Variants in ADK observed in about 807,000 individuals in gnomAD.
ADK encodes adenosine kinase, also known as N6,N6-dimethyladenosine kinase.
In ADK, 24 loss-of-function variants were observed where a neutral mutation model predicts 44.7. The observed-to-expected ratio is 0.54, with a 90% confidence interval of 0.39 to 0.76. The LOEUF (loss-of-function observed/expected upper bound fraction) is 0.76, where lower values mean the gene tolerates loss of function less well. Ranked by LOEUF, ADK falls within the 30% of genes least tolerant of loss-of-function variation. The pLI is 0.00. For synonymous variants in ADK, 128 were observed against 142.6 expected, an observed-to-expected ratio of 0.90 and a Z score of 0.73; for missense variants, 321 against 425.1, an observed-to-expected ratio of 0.76 and a Z score of 2.15.
At chr10:74,539,972 CT>C (rs1849570677) in intron 7 of ADK, among the ~76,000 whole-genome samples, 1 of 152,156 alleles carries the variant, frequency 6.6e-6, no homozygotes, top group South Asian at 2.1e-4. Flanking sequence ...GGCTATTTAA[CT>C]ATATGCTCTG....
At chr10:74,485,594 A>G (rs937608686) in intron 6 of ADK, among the ~76,000 whole-genome samples, 1 of 152,180 alleles carries the variant, frequency 6.6e-6, no homozygotes, top group African/African-American at 2.4e-5. Context: ...AAGTCTAAAA[A>G]TTTCAAATGC....
At chr10:74,505,190 C>T (rs949354539) in intron 6 of ADK, among the ~76,000 whole-genome samples, 4 of 152,012 alleles carry the variant, frequency 2.6e-5, no homozygotes, top group African/African-American at 9.7e-5. Context: ...TTTTCATTTC[C>T]CTAAAAATGT....
At chr10:74,553,308 C>A (rs931246020) in intron 7 of ADK, among the ~76,000 whole-genome samples, 16 of 141,818 alleles carry the variant, frequency 1.1e-4, no homozygotes, top group Admixed American at 7.7e-5. Context: ...TCAAGCGATT[C>A]TCCTGCCTCA....
chr10:74,559,966 G>T (rs1053883351), intron 7 of ADK, among the ~76,000 whole-genome samples: 3 of 151,048 alleles, frequency 2.0e-5, no homozygotes, highest in Admixed American at 6.6e-5. Flanking sequence ...TTGCTTTGTC[G>T]TGCAGGCTGG....
Position 74,511,876 on chromosome 10 carries a change from C to G in ADK, c.556-13380C>G, listed in dbSNP as rs188107249. ...GTGAGAGAGGGCATCATTGTCTGTT[C>G]CAGTTCTTAGAGGAAATGCTTTCAG... On this transcript the variant is annotated intron_variant, in intron 6 of 10. Coordinates refer to ENST00000539909, the MANE Select transcript of ADK (RefSeq NM_006721.4). 1.1e-3 allele frequency among the ~76,000 whole-genome samples: 169 copies of G among 152,206 alleles called. 1 individual carries two copies. The highest frequency in any genetic ancestry group is 3.9e-3 in the African/African-American group (160 of 41,550).
At chr10:74,602,204 C>G in intron 9 of ADK, among the ~76,000 whole-genome samples, 1 of 150,568 alleles carries the variant, frequency 6.6e-6, no homozygotes, top group East Asian at 1.9e-4. Flanking sequence ...ATTGTGATGG[C>G]AAGAAGAACC....
At chr10:74,404,119 G>A (rs904874709) in intron 6 of ADK, among the ~76,000 whole-genome samples, 8 of 151,254 alleles carry the variant, frequency 5.3e-5, no homozygotes, top group African/African-American at 9.7e-5. Flanking sequence ...TGATCCACAC[G>A]CTTTGGCCTC....
chr10:74,460,317 A>G (rs886602934), intron 6 of ADK, among the ~76,000 whole-genome samples: 10 of 152,176 alleles, frequency 6.6e-5, no homozygotes, highest in African/African-American at 2.2e-4. Context: ...GACAAACACA[A>G]ATTATCTTCA....
chr10:74,370,818 T>A (rs11001017), intron 4 of ADK, among the ~76,000 whole-genome samples: 19,526 of 152,120 alleles, frequency 0.13, 1,318 homozygotes, highest in Middle Eastern at 0.17. Context: ...AAGTGATCCT[T>A]CTGCCTTGGC....
chr10:74,571,064 G>A (rs1014456427), intron 7 of ADK, among the ~76,000 whole-genome samples: 1 of 152,034 alleles, frequency 6.6e-6, no homozygotes, highest in Non-Finnish European at 1.5e-5. Context: ...TTTTGTCTTT[G>A]GTTCTGTTTA....
At chr10:74,451,067 CTTTTTTTTTTTTT>C (rs35120068) in intron 6 of ADK, among the ~76,000 whole-genome samples, 5 of 72,164 alleles carry the variant, frequency 6.9e-5, no homozygotes, top group Non-Finnish European at 7.6e-5. Flanking sequence ...GCTCTGCTGC[CTTTTTTTTTTTTT>C]TTTTTTTTTT....
At chr10:74,326,910 AT>A (rs1468532490) in intron 4 of ADK, among the ~76,000 whole-genome samples, 1 of 150,858 alleles carries the variant, frequency 6.6e-6, no homozygotes, top group Non-Finnish European at 1.5e-5. Flanking sequence ...TTCTCACTTT[AT>A]TATTTGTGTC....
At chr10:74,443,438 C>G (rs1215950097) in intron 6 of ADK, among the ~76,000 whole-genome samples, 1 of 152,016 alleles carries the variant, frequency 6.6e-6, no homozygotes, top group African/African-American at 2.4e-5. Flanking sequence ...GTGAAAGAAG[C>G]CATTTATAAA....
At chr10:74,338,063 A>T (rs1317800098) in intron 4 of ADK, among the ~76,000 whole-genome samples, 1 of 152,150 alleles carries the variant, frequency 6.6e-6, no homozygotes, top group Non-Finnish European at 1.5e-5. Context: ...GGCATGAGCC[A>T]CTACCCCTGG....
chr10:74,176,350 A>T, intron 1 of ADK: 1 of 621,508 alleles, frequency 1.6e-6, no homozygotes, highest in Non-Finnish European at 2.0e-6. Context: ...CCACCTTTGC[A>T]GATGGATTTT....
chr10:74,674,156 A>T (rs571614132), intron 10 of ADK, among the ~76,000 whole-genome samples: 1 of 152,230 alleles, frequency 6.6e-6, no homozygotes, highest in African/African-American at 2.4e-5. Flanking sequence ...CTCACCAGAG[A>T]CCTACCCTCT....
chr10:74,393,617 C>T (rs1426964349), intron 4 of ADK, among the ~76,000 whole-genome samples: 1 of 152,162 alleles, frequency 6.6e-6, no homozygotes. Context: ...AATGCAAGTA[C>T]ATTAATTTAC....
intron 3 of ADK, among the ~76,000 whole-genome samples, chr10:74,264,029 A>G (rs1207435348): frequency 6.6e-6 from 1 of 152,232 alleles, no homozygotes; most frequent in African/African-American, 2.4e-5. Flanking sequence ...TTAAATTTCA[A>G]TTAATTAAAA....
intron 4 of ADK, among the ~76,000 whole-genome samples, chr10:74,380,511 ACTTTGGGGAGG>A (rs1423161084): frequency 6.6e-6 from 1 of 152,080 alleles, no homozygotes; most frequent in African/African-American, 2.4e-5. Context: ...TAATCCCAGC[ACTTTGGGGAGG>A]CTGAGACGGG....
Sources: allele counts gnomAD v4.1 joint callset (sites outside exome capture counted in the v4.1 genomes callset), GRCh38; gene constraint gnomAD v4.1.1; transcripts MANE v1.5; gene names NCBI Gene and HGNC (gene_info 2026-07-23, HGNC 2026-07-21).